The following AGAP9 variants were observed in gnomAD, a reference collection of about 807,000 sequenced individuals.
AGAP9 encodes ArfGAP with GTPase domain, ankyrin repeat and PH domain 9.
A neutral mutation model predicts 55.6 loss-of-function variants in AGAP9; 23 were observed. That is an observed-to-expected ratio of 0.41 (90% CI 0.30 to 0.59). The LOEUF (loss-of-function observed/expected upper bound fraction) is 0.59, where lower values mean the gene tolerates loss of function less well. Ranked by LOEUF, AGAP9 falls within the 20% of genes least tolerant of loss-of-function variation. The probability of loss-of-function intolerance (pLI) is 0.25; values close to 1 mark genes in which losing one functional copy is unlikely to be tolerated. For missense variants in AGAP9, 309 were observed against 808.1 expected (o/e 0.38, Z 7.49); for synonymous variants, 120 against 305.0 (o/e 0.39, Z 6.32).
rs1204618185 is a variant in AGAP9 at position 47,502,273 on chromosome 10, C to T, written c.1856G>A (p.Cys619Tyr). 2.5e-6 allele frequency: 4 copies of T among 1,598,784 alleles called. No homozygotes were observed. The highest frequency in any genetic ancestry group is 4.7e-5 in the East Asian group (2 of 42,642). The change falls in exon 8 of 8, where the codon TGT becomes TAT. Residue 619 changes from cysteine to tyrosine, a missense_variant. Transcript: ENST00000452145. ...HGSREEVNETCGEGDGCTALH... is the reference protein window; with the variant it reads ...HGSREEVNETYGEGDGCTALH... ...TGCCGTGCAGCCGTCTCCCTCCCCA[C>T]AGGTCTCGTTCACCTCCTCACGGGA...
At chr10:47,505,914 G>A (rs1263496449) in intron 6 of AGAP9, among the ~76,000 whole-genome samples, 9 of 137,972 alleles carry the variant, frequency 6.5e-5, no homozygotes, top group African/African-American at 2.4e-4. Context: ...AGGGAAATAC[G>A]TATTTGTTCC....
intron 2 of AGAP9, among the ~76,000 whole-genome samples, chr10:47,522,077 AAGCCC>A (rs1194523038): frequency 1.3e-5 from 2 of 150,348 alleles, no homozygotes; most frequent in African/African-American, 5.0e-5. Context: ...GTGAGCCACC[AAGCCC>A]AGCCAAAACT....
rs1203733289 is a variant in AGAP9, at chr10:47,502,403, A to G, written c.1726T>C (p.Phe576Leu). Residue 576 changes from phenylalanine to leucine, a missense_variant, in exon 8 of 8, where the codon TTT becomes CTT. By Grantham distance (22) the Phe-to-Leu change is conservative. Coordinates refer to ENST00000452145, the MANE Select transcript of AGAP9 (RefSeq NM_001190810.1). ...WIRSKYEEKL[F>L]LAPLPCTELS... ...TCAGTGCAGGGTAGTGGGGCCAGAA[A>G]GAGCTTCTCCTCATATTTGGAACGG... is the stretch of plus-strand genomic sequence containing the variant. 1 of 1,610,384 alleles carries G rather than the reference A, an allele frequency of 6.2e-7. No individual in the cohort carries two copies. Among genetic ancestry groups the G allele is most frequent in the Non-Finnish European group, 8.5e-7 (1 of 1,179,698 alleles).
Position 47,502,275 on chromosome 10 carries a change from G to A in AGAP9, c.1854C>T (p.Thr618=). 1.3e-6 allele frequency: 2 copies of A among 1,598,924 alleles called. No homozygotes were observed. Among genetic ancestry groups the A allele is most frequent in the Non-Finnish European group, 1.7e-6 (2 of 1,176,350 alleles). ...CCGTGCAGCCGTCTCCCTCCCCACAGGTCTCGTTCACCTCCTCACGGGAGC... is the reference window on the plus strand; with the variant it reads ...CCGTGCAGCCGTCTCCCTCCCCACAAGTCTCGTTCACCTCCTCACGGGAGC... ...AHGSREEVNE[T]CGEGDGCTAL... is the part of the protein sequence containing the mutation. Residue 618 remains threonine, a synonymous_variant, in exon 8 of 8, where the codon ACC becomes ACT. Transcript: ENST00000452145.
rs1277098878 is a variant in AGAP9, at chr10:47,522,206, T to A, written c.292+660A>T. ...GTCTGACATTTTAACCTGCAATCTT[T>A]ATATTACACATTAAAAGTCTACGTT... On this transcript the variant is annotated intron_variant, in intron 2 of 7. Coordinates refer to ENST00000452145, the MANE Select transcript of AGAP9 (RefSeq NM_001190810.1). 4.9e-5 allele frequency among the ~76,000 whole-genome samples: 7 copies of A among 141,872 alleles called. 2 individuals carry two copies. The Admixed American group carries it at 5.0e-4, about 10-fold the overall frequency. 93.1% of individuals were successfully genotyped at this position (141,872 alleles called of 152,430 possible). A position where few individuals can be genotyped will look rare whatever the true frequency, so the allele number is the denominator to read the frequency against.
At chr10:47,504,748 T>G (rs1840439243) in intron 6 of AGAP9, among the ~76,000 whole-genome samples, 1 of 138,974 alleles carries the variant, frequency 7.2e-6, no homozygotes, top group Non-Finnish European at 1.5e-5. Context: ...ACTAATGCAT[T>G]GTGCCTGTGT....
Position 47,511,036 on chromosome 10 carries a change from C to T in AGAP9, c.397-765G>A, listed in dbSNP as rs1463327636. Among the ~76,000 whole-genome samples the T allele has an allele frequency of 3.2e-5, 4 of 126,346 alleles. 1 individual carries two copies. The highest frequency in any genetic ancestry group is 6.5e-5 in the Non-Finnish European group (4 of 61,982). The allele number at this position is 126,346 out of a possible 152,430, so 82.9% of individuals were successfully genotyped here. A position where few individuals can be genotyped will look rare whatever the true frequency, so the allele number is the denominator to read the frequency against. On this transcript the variant is annotated intron_variant, in intron 4 of 7. Transcript: ENST00000452145. ...TCGGCTCACTGCAAGCTCCGCCTCCCGGGTTCACGCCATTCTCCTGACTCA... is the reference window on the plus strand; with the variant it reads ...TCGGCTCACTGCAAGCTCCGCCTCCTGGGTTCACGCCATTCTCCTGACTCA...
chr10:47,521,527 C>T (rs1840836568), intron 2 of AGAP9, among the ~76,000 whole-genome samples: 1 of 140,468 alleles, frequency 7.1e-6, no homozygotes, highest in African/African-American at 2.7e-5. Context: ...AAGACATTTC[C>T]TCTAGAGTAA....
intron 3 of AGAP9, among the ~76,000 whole-genome samples, chr10:47,519,458 A>C: frequency 9.2e-6 from 1 of 108,124 alleles, no homozygotes; most frequent in Non-Finnish European, 1.8e-5. Context: ...ACAGAGTGAG[A>C]CTCCATTTCA....
Position 47,521,487 on chromosome 10 carries a change from G to T in AGAP9, c.293-920C>A, listed in dbSNP as rs1227227815. ...TATCCTACCTCTTTAAAAATTAAGAGCCCAACCAAAGTTTAAATAGAAGAG... is the reference window on the plus strand; with the variant it reads ...TATCCTACCTCTTTAAAAATTAAGATCCCAACCAAAGTTTAAATAGAAGAG... On this transcript the variant is annotated intron_variant, in intron 2 of 7. Coordinates refer to ENST00000452145, the MANE Select transcript of AGAP9 (RefSeq NM_001190810.1). Among the ~76,000 whole-genome samples the T allele has an allele frequency of 1.4e-5, 2 of 139,888 alleles. 1 individual carries two copies. The highest frequency in any genetic ancestry group is 3.1e-5 in the Non-Finnish European group (2 of 65,064). The allele number at this position is 139,888 out of a possible 152,430, so 91.8% of individuals were successfully genotyped here.
At chr10:47,519,238 C>T (rs1413408449) in intron 3 of AGAP9, among the ~76,000 whole-genome samples, 11 of 129,852 alleles carry the variant, frequency 8.5e-5, no homozygotes, top group Admixed American at 6.3e-4. Context: ...GAGGCTGAAG[C>T]GGGTAGATCA....
rs1260706634 is a variant in AGAP9 at position 47,502,415 on chromosome 10, C to T, written c.1714G>A (p.Glu572Lys). ...AGTGGGGCCAGAAAGAGCTTCTCCT[C>T]ATATTTGGAACGGATCCACCATTCC... ...EKEWWIRSKY[E>K]EKLFLAPLPC... Residue 572 changes from glutamate (E) to lysine (K), a missense_variant, in exon 8 of 8, where the codon GAG becomes AAG. By Grantham distance (56) the Glu-to-Lys change is moderately conservative. Coordinates refer to ENST00000452145, the MANE Select transcript of AGAP9 (RefSeq NM_001190810.1). 5.6e-6 allele frequency: 9 copies of T among 1,610,794 alleles called. No individual in the cohort carries two copies. Among genetic ancestry groups the T allele is most frequent in the Non-Finnish European group, 7.6e-6 (9 of 1,179,790 alleles).
chr10:47,520,838 TAAAAAAAAA>T (rs1233034365), intron 2 of AGAP9, among the ~76,000 whole-genome samples: 1 of 89,364 alleles, frequency 1.1e-5, no homozygotes, highest in African/African-American at 5.2e-5. Flanking sequence ...CTCCTTTATT[TAAAAAAAAA>T]AAAAAAAAAA....
chr10:47,507,140 A>C (rs1379303873), intron 6 of AGAP9, among the ~76,000 whole-genome samples: 3 of 140,922 alleles, frequency 2.1e-5, no homozygotes, highest in South Asian at 2.3e-4. Context: ...GTTTTTATAA[A>C]CTGGGTCATG....
At chr10:47,510,400 A>G in intron 4 of AGAP9, 129 bp from the exon 5 acceptor site, 2 of 1,384,482 alleles carry the variant, frequency 1.4e-6, no homozygotes, top group African/African-American at 2.9e-5. Context: ...ATCATGTGCA[A>G]TCTATAGAAA....
At chr10:47,517,295 C>CA (rs1327717867) in intron 4 of AGAP9, among the ~76,000 whole-genome samples, 1 of 74,360 alleles carries the variant, frequency 1.3e-5, no homozygotes, top group Non-Finnish European at 2.3e-5. Flanking sequence ...TTTTTTGAGA[C>CA]AGAGTTTCGC....
chr10:47,502,461 T>C lies in AGAP9; in HGVS notation c.1668A>G (p.Ile556Met), dbSNP rs1199434578. 2 of 1,612,812 alleles carry C rather than the reference T, an allele frequency of 1.2e-6. No individual in the cohort carries two copies. Among genetic ancestry groups the C allele is most frequent in the Non-Finnish European group, 1.7e-6 (2 of 1,179,934 alleles). Reference sequence around the variant, plus strand: ...ATTCCTTCTCTTCCCTCGTGGACTTTATTGAGGGTTTTGTCTGCCCCTGGC... The same window carrying C: ...ATTCCTTCTCTTCCCTCGTGGACTTCATTGAGGGTTTTGTCTGCCCCTGGC... ...GSSQGQTKPSIKSTREEKEWW... is the reference protein window; with the variant it reads ...GSSQGQTKPSMKSTREEKEWW... Residue 556 changes from isoleucine (I) to methionine (M), a missense_variant, in exon 8 of 8, where the codon ATA (isoleucine) becomes ATG (methionine). Coordinates refer to ENST00000452145, the MANE Select transcript of AGAP9 (RefSeq NM_001190810.1).
intron 5 of AGAP9, 32 bp from the exon 6 acceptor site, chr10:47,507,615 A>T: frequency 6.5e-7 from 1 of 1,530,236 alleles, no homozygotes; most frequent in Non-Finnish European, 8.8e-7. Flanking sequence ...ATAACAATAG[A>T]TGTTATCATT....
At chr10:47,505,949 G>C (rs1326109561) in intron 6 of AGAP9, among the ~76,000 whole-genome samples, 76 of 142,406 alleles carry the variant, frequency 5.3e-4, no homozygotes, top group Non-Finnish European at 9.5e-4. Flanking sequence ...AAGCTTTCCT[G>C]TGGACTTTGA....
Sources: allele counts gnomAD v4.1 joint callset (sites outside exome capture counted in the v4.1 genomes callset), GRCh38; gene constraint gnomAD v4.1.1; transcripts MANE v1.5; gene names NCBI Gene and HGNC (gene_info 2026-07-23, HGNC 2026-07-21).